The following STX11 variants were observed in gnomAD, a reference collection of about 807,000 sequenced individuals.
STX11 encodes syntaxin 11, also known as syntaxin-11.
Under a neutral mutation model 19.9 loss-of-function variants are expected in STX11, and 21 were observed. The ratio of observed to expected loss-of-function variants is 1.06; its 90% CI spans 0.75 to 1.52. The LOEUF is 1.52. Among genes scored for constraint, STX11 ranks in the 40% most tolerant of loss-of-function variants. The probability of loss-of-function intolerance (pLI) is 0.00; values close to 1 mark genes in which losing one functional copy is unlikely to be tolerated. For synonymous variants in STX11, 193 were observed against 174.4 expected (o/e 1.11, Z -0.84); for missense variants, 438 against 405.9 (o/e 1.08, Z -0.68).
rs1248824382 is a variant in STX11, at chr6:144,184,827, T to C, written c.-5-1796T>C. Among the ~76,000 whole-genome samples the C allele has an allele frequency of 1.3e-5, 2 of 152,234 alleles. No individual in the cohort carries two copies. Among genetic ancestry groups the C allele is most frequent in the Non-Finnish European group, 2.9e-5 (2 of 68,044 alleles). ...TCTTCTCTGAATTGCTTCACTGTCT[T>C]TGGGTAAGTAGATTTTTTGGTAGCT... On this transcript the variant is annotated intron_variant, in intron 1 of 1. Transcript: ENST00000367568. The surrounding 1 kb of genome is among the most constrained non-coding windows in gnomAD (Gnocchi z 6.5).
intron 1 of STX11, among the ~76,000 whole-genome samples, chr6:144,158,251 A>C (rs1266293606): frequency 6.6e-6 from 1 of 152,228 alleles, no homozygotes; most frequent in African/African-American, 2.4e-5. Flanking sequence ...TAGTCCCAGC[A>C]GGCCTGGTAT....
At position 144,155,998 on chromosome 6, in the gene STX11, CTTT is replaced by C. The variant is rs1562655504; in HGVS notation, c.-6+5296_-6+5298del. Among the ~76,000 whole-genome samples the C allele has an allele frequency of 8.8e-4, 114 of 130,036 alleles. No individual in the cohort carries two copies. Among genetic ancestry groups the C allele is most frequent in the African/African-American group, 4.2e-3 (108 of 25,792 alleles). 85.3% of individuals were successfully genotyped at this position (130,036 alleles called of 152,430 possible). ...TCTTTCTTTCTTTCTTTCTTTCTTTCTTTCTTTCTTTCTTTCTCTCTTTCTCTC... is the reference window on the plus strand; with the variant it reads ...TCTTTCTTTCTTTCTTTCTTTCTTTCCTTTCTTTCTTTCTCTCTTTCTCTC... On this transcript the variant is annotated intron_variant, in intron 1 of 1. Coordinates refer to ENST00000367568, the MANE Select transcript of STX11 (RefSeq NM_003764.4). This position sits in a 1 kb window ranked among gnomAD's most constrained non-coding sequence, Gnocchi z 4.5.
At chr6:144,140,241 TA>T in the STX11 span, among the ~76,000 whole-genome samples, 27 of 50,130 alleles carry the variant, frequency 5.4e-4, 2 homozygotes, top group African/African-American at 3.3e-3. Context: ...TATATATATA[TA>T]TATATATATA....
rs1210430595 is a variant in STX11 at position 144,156,053 on chromosome 6, C to T, written c.-6+5350C>T. Reference sequence around the variant, plus strand: ...TTCCTTCCTTCCTTCCTTCCTTCCCCTCCCCTCCCCTCCCCTCCCCTCCCC... The same window carrying T: ...TTCCTTCCTTCCTTCCTTCCTTCCCTTCCCCTCCCCTCCCCTCCCCTCCCC... On this transcript the variant is annotated intron_variant, in intron 1 of 1. Transcript: ENST00000367568. Among the ~76,000 whole-genome samples the T allele has an allele frequency of 5.0e-3, 274 of 54,882 alleles. 13 individuals are homozygous for T. In the East Asian group the frequency reaches 0.053, roughly 11 times the overall value. The allele number at this position is 54,882 out of a possible 152,430, so 36.0% of individuals were successfully genotyped here.
intron 1 of STX11, among the ~76,000 whole-genome samples, chr6:144,178,267 G>A (rs1361842265): frequency 6.6e-6 from 1 of 152,166 alleles, no homozygotes; most frequent in Non-Finnish European, 1.5e-5. Flanking sequence ...CCTCAAACCT[G>A]TAGACTGGGG....
the STX11 span, among the ~76,000 whole-genome samples, chr6:144,140,209 C>CATAT: frequency 9.1e-3 from 402 of 43,942 alleles, 3 homozygotes; most frequent in African/African-American, 0.019. Context: ...GGTCAATTCA[C>CATAT]ATATATATAT....
rs1801043290 is a variant in STX11 at position 144,152,982 on chromosome 6, T to C, written c.-6+2279T>C. The stretch of plus-strand genomic sequence containing the variant: ...CTATATTGAAGCGAGTTTATGATCA[T>C]TGTTTTTGTAGTTCAAATCAATGTT... On this transcript the variant is annotated intron_variant, in intron 1 of 1. Coordinates refer to ENST00000367568, the MANE Select transcript of STX11 (RefSeq NM_003764.4). The surrounding 1 kb of genome is among the most constrained non-coding windows in gnomAD (Gnocchi z 4.9). Among the ~76,000 whole-genome samples, 1 of 152,248 alleles carries C rather than the reference T, an allele frequency of 6.6e-6. No homozygotes were observed. The highest frequency in any genetic ancestry group is 2.1e-4 in the South Asian group (1 of 4,838).
Position 144,175,203 on chromosome 6 carries a change from A to G in STX11, c.-5-11420A>G, listed in dbSNP as rs199646502. ...GGCTGCAGTGAGCCATGATTGTGCC[A>G]CTGTACTCCAGCCTGGGCAACAGAG... On this transcript the variant is annotated intron_variant, in intron 1 of 1. Transcript: ENST00000367568. This position sits in a 1 kb window ranked among gnomAD's most constrained non-coding sequence, Gnocchi z 5.1. 3.2e-4 allele frequency among the ~76,000 whole-genome samples: 49 copies of G among 151,928 alleles called. No individual in the cohort carries two copies. In the East Asian group the frequency reaches 9.3e-3, roughly 29 times the overall value.
rs1801105420 is a variant in STX11 at position 144,155,202 on chromosome 6, T to C, written c.-6+4499T>C. Among the ~76,000 whole-genome samples the C allele has an allele frequency of 1.3e-5, 2 of 152,188 alleles. No individual in the cohort carries two copies. The highest frequency in any genetic ancestry group is 4.8e-5 in the African/African-American group (2 of 41,452). ...ATCTTTTCCTCAAAGACCTCGACTTTGGACCATGTAAGGTTTAAAACGCCC... is the reference window on the plus strand; with the variant it reads ...ATCTTTTCCTCAAAGACCTCGACTTCGGACCATGTAAGGTTTAAAACGCCC... On this transcript the variant is annotated intron_variant, in intron 1 of 1. Transcript: ENST00000367568. The surrounding 1 kb of genome is among the most constrained non-coding windows in gnomAD (Gnocchi z 4.5).
Position 144,186,801 on chromosome 6 carries a change from G to T in STX11, c.174G>T (p.Leu58=), listed in dbSNP as rs1802051414. Residue 58 remains leucine, a synonymous_variant, in exon 2 of 2, where the codon CTG becomes CTT. Coordinates refer to ENST00000367568, the MANE Select transcript of STX11 (RefSeq NM_003764.4). ...IRDIQDENQL[L]VADVKRLGKQ... Reference sequence around the variant, plus strand: ...ACATTCAGGATGAAAACCAGCTGCTGGTGGCCGACGTGAAGCGGCTGGGAA... The same window carrying T: ...ACATTCAGGATGAAAACCAGCTGCTTGTGGCCGACGTGAAGCGGCTGGGAA... The T allele has an allele frequency of 6.2e-7, 1 of 1,613,724 alleles. No individual in the cohort carries two copies. Among genetic ancestry groups the T allele is most frequent in the African/African-American group, 1.3e-5 (1 of 74,940 alleles).
Position 144,180,718 on chromosome 6 carries a change from T to C in STX11, c.-5-5905T>C, listed in dbSNP as rs1801891249. Among the ~76,000 whole-genome samples, 1 of 152,188 alleles carries C rather than the reference T, an allele frequency of 6.6e-6. No individual in the cohort carries two copies. The highest frequency in any genetic ancestry group is 6.5e-5 in the Admixed American group (1 of 15,284). ...GTGAAAATGGACTAATACAATGTGA[T>C]TGTCACCTCCACTCTTTGGTCTGCT... is the stretch of plus-strand genomic sequence containing the variant. On this transcript the variant is annotated intron_variant, in intron 1 of 1. Coordinates refer to ENST00000367568, the MANE Select transcript of STX11 (RefSeq NM_003764.4). The surrounding 1 kb of genome is among the most constrained non-coding windows in gnomAD (Gnocchi z 5.3).
At chr6:144,142,325 G>A in the STX11 span, among the ~76,000 whole-genome samples, 495 of 152,060 alleles carry the variant, frequency 3.3e-3, 3 homozygotes, top group African/African-American at 0.011. Flanking sequence ...TTTAAAACAA[G>A]CTTCAAGGGA....
In STX11 at chr6:144,181,973, T is replaced by C. The variant is rs530108963; in HGVS notation, c.-5-4650T>C. Among the ~76,000 whole-genome samples the C allele has an allele frequency of 1.1e-4, 16 of 152,360 alleles. No homozygotes were observed. In the South Asian group the frequency reaches 3.1e-3, roughly 30 times the overall value. On this transcript the variant is annotated intron_variant, in intron 1 of 1. Transcript: ENST00000367568. ...TTGGTAGTTGGTTGTCAATTTTCTT[T>C]TGAATTCTTCACCTCCATGCAAATT...
At position 144,189,601 on chromosome 6, in the gene STX11, A is replaced by G. The variant is rs908215428; in HGVS notation, c.*2110A>G. ...TACATGAGTGAGTTTAGTAGTGATC[A>G]TATTTCTCAGGTCCTTTAGAAGCTG... On this transcript the variant is annotated 3_prime_UTR_variant, in exon 2 of 2. Coordinates refer to ENST00000367568, the MANE Select transcript of STX11 (RefSeq NM_003764.4). Among the ~76,000 whole-genome samples, 2 of 152,212 alleles carry G rather than the reference A, an allele frequency of 1.3e-5. No homozygotes were observed. Among genetic ancestry groups the G allele is most frequent in the African/African-American group, 4.8e-5 (2 of 41,452 alleles).
chr6:144,149,204 C>T (rs1486158170), upstream of STX11, among the ~76,000 whole-genome samples: 3 of 152,176 alleles, frequency 2.0e-5, no homozygotes, highest in Admixed American at 6.5e-5. The surrounding 1 kb of genome is among the most constrained non-coding windows in gnomAD (Gnocchi z 5.1). Flanking sequence ...AGTCACTGTG[C>T]ACAGCCTAGG....
chr6:144,178,975 T>C (rs1208545808), intron 1 of STX11, among the ~76,000 whole-genome samples: 3 of 152,200 alleles, frequency 2.0e-5, no homozygotes, highest in African/African-American at 7.2e-5. Flanking sequence ...TTCATGCTGC[T>C]GATAAAGACA....
rs185398543 is a variant in STX11 at position 144,172,258 on chromosome 6, G to C, written c.-5-14365G>C. On this transcript the variant is annotated intron_variant, in intron 1 of 1. Coordinates refer to ENST00000367568, the MANE Select transcript of STX11 (RefSeq NM_003764.4). The surrounding 1 kb of genome is among the most constrained non-coding windows in gnomAD (Gnocchi z 4.2). ...CTTCCACAACAGTCTCTGGCAGATAGTAAGCACCTGTGATTCTTCTACGGA... is the reference window on the plus strand; with the variant it reads ...CTTCCACAACAGTCTCTGGCAGATACTAAGCACCTGTGATTCTTCTACGGA... Among the ~76,000 whole-genome samples, 14 of 152,328 alleles carry C rather than the reference G, an allele frequency of 9.2e-5. No individual in the cohort carries two copies. The highest frequency in any genetic ancestry group is 9.1e-4 in the Admixed American group (14 of 15,304).
At chr6:144,164,336 T>G (rs1389376747) in intron 1 of STX11, among the ~76,000 whole-genome samples, 1 of 152,238 alleles carries the variant, frequency 6.6e-6, no homozygotes, top group African/African-American at 2.4e-5. Flanking sequence ...AATATTATGT[T>G]AAAATCAAAT....
At position 144,187,061 on chromosome 6, in the gene STX11, A is replaced by T. The variant is rs1454116408; in HGVS notation, c.434A>T (p.Asp145Val). The change falls in exon 2 of 2, where the codon GAC (aspartate) becomes GTC (valine). Residue 145 changes from aspartate (D) to valine (V), a missense_variant. Asp to Val is a radical substitution (Grantham distance 152). Coordinates refer to ENST00000367568, the MANE Select transcript of STX11 (RefSeq NM_003764.4). This position sits in a 1 kb window ranked among gnomAD's most constrained non-coding sequence, Gnocchi z 5.6. ...CTCACCTTCCAGCGCGCCATGCACG[A>T]CTACAACCAGGCCGAGATGAAGCAG... Reference protein sequence around the residue: ...LTLTFQRAMHDYNQAEMKQRD... With the variant: ...LTLTFQRAMHVYNQAEMKQRD... 3 of 1,613,374 alleles carry T rather than the reference A, an allele frequency of 1.9e-6. No individual in the cohort carries two copies. Among genetic ancestry groups the T allele is most frequent in the Non-Finnish European group, 2.5e-6 (3 of 1,179,980 alleles).
Sources: allele counts gnomAD v4.1 joint callset (sites outside exome capture counted in the v4.1 genomes callset), GRCh38; gene constraint gnomAD v4.1.1; non-coding constraint Gnocchi (gnomAD v3.1); transcripts MANE v1.5; gene names NCBI Gene and HGNC (gene_info 2026-07-23, HGNC 2026-07-21).